Variants in MACROD2 observed in about 807,000 individuals in gnomAD.
MACROD2 encodes mono-ADP ribosylhydrolase 2.
In MACROD2, 36 loss-of-function variants were observed where a neutral mutation model predicts 70.4. The observed-to-expected ratio is 0.51, with a 90% CI of 0.39 to 0.68. The LOEUF is 0.68. Among genes scored for constraint, MACROD2 ranks in the 30% least tolerant of loss-of-function variants. MACROD2 has a pLI of 0.00. For synonymous variants in MACROD2, 172 were observed against 178.8 expected, an observed-to-expected ratio of 0.96 and a Z score of 0.30; for missense variants, 496 against 538.4, an observed-to-expected ratio of 0.92 and a Z score of 0.78.
intron 5 of MACROD2, among the ~76,000 whole-genome samples, chr20:14,852,302 A>T (rs1247737556): frequency 1.3e-5 from 2 of 152,158 alleles, no homozygotes; most frequent in Non-Finnish European, 2.9e-5. Flanking sequence ...AAAGATACAC[A>T]GAGCTAAAAG....
At chr20:14,105,431 T>C (rs192489185) in intron 3 of MACROD2, among the ~76,000 whole-genome samples, 30 of 152,330 alleles carry the variant, frequency 2.0e-4, no homozygotes, top group Middle Eastern at 3.4e-3. Context: ...AGCCAGTACC[T>C]GTGCATGGAA....
At chr20:14,856,108 T>C (rs1600728727) in intron 5 of MACROD2, among the ~76,000 whole-genome samples, 1 of 152,166 alleles carries the variant, frequency 6.6e-6, no homozygotes, top group South Asian at 2.1e-4. Context: ...TGCTTGAGCC[T>C]CTCTCTTTTT....
intron 5 of MACROD2, among the ~76,000 whole-genome samples, chr20:14,809,318 C>G (rs1319757319): frequency 2.0e-5 from 3 of 152,112 alleles, no homozygotes; most frequent in African/African-American, 7.2e-5. Context: ...ACTGAACAAT[C>G]TGCTTCTGAA....
At chr20:15,264,832 A>G (rs2077278859) in intron 6 of MACROD2, among the ~76,000 whole-genome samples, 1 of 151,970 alleles carries the variant, frequency 6.6e-6, no homozygotes, top group African/African-American at 2.4e-5. Flanking sequence ...CCCCCTGACC[A>G]CCCCAAACTT....
chr20:15,389,675 T>C (rs965701522), intron 6 of MACROD2, among the ~76,000 whole-genome samples: 3 of 152,246 alleles, frequency 2.0e-5, no homozygotes, highest in African/African-American at 4.8e-5. Flanking sequence ...CAATGAATTA[T>C]ATTAAAAGAC....
chr20:15,861,916 T>C (rs574187448), intron 8 of MACROD2, among the ~76,000 whole-genome samples: 43 of 152,234 alleles, frequency 2.8e-4, no homozygotes, highest in Non-Finnish European at 5.6e-4. Context: ...AATTTTTTTA[T>C]GTTGTTAAAA....
intron 10 of MACROD2, among the ~76,000 whole-genome samples, chr20:15,930,777 T>C (rs1307433363): frequency 1.3e-5 from 2 of 152,176 alleles, no homozygotes; most frequent in African/African-American, 4.8e-5. Flanking sequence ...CCAGAAGCAG[T>C]AGACTAGGTA....
At chr20:15,241,653 TGAA>T (rs1261175369) in intron 6 of MACROD2, among the ~76,000 whole-genome samples, 2 of 150,826 alleles carry the variant, frequency 1.3e-5, no homozygotes, top group Admixed American at 1.3e-4. Flanking sequence ...GCAGAACAAG[TGAA>T]ACATACCACT....
intron 6 of MACROD2, among the ~76,000 whole-genome samples, chr20:15,250,934 G>C (rs555517340): frequency 6.6e-6 from 1 of 152,176 alleles, no homozygotes; most frequent in Non-Finnish European, 1.5e-5. Flanking sequence ...AATGTAGAAT[G>C]AATAAATGAA....
At chr20:15,826,432 T>C (rs1380923909) in intron 8 of MACROD2, among the ~76,000 whole-genome samples, 1 of 152,206 alleles carries the variant, frequency 6.6e-6, no homozygotes, top group Non-Finnish European at 1.5e-5. Flanking sequence ...AGTTCTTTAA[T>C]GCAGACATTT....
chr20:14,811,213 C>T (rs1020678514), intron 5 of MACROD2, among the ~76,000 whole-genome samples: 6 of 152,106 alleles, frequency 3.9e-5, no homozygotes, highest in Non-Finnish European at 7.4e-5. Context: ...GTAACCAAAA[C>T]AGCATGGTAC....
At chr20:14,715,313 G>T (rs987456892) in intron 5 of MACROD2, among the ~76,000 whole-genome samples, 9 of 152,164 alleles carry the variant, frequency 5.9e-5, no homozygotes, top group Non-Finnish European at 1.2e-4. Flanking sequence ...CATAGGTGGG[G>T]ATTATGGGAA....
chr20:14,190,169 T>TCTTCATCTGA (rs2081373273), intron 3 of MACROD2, among the ~76,000 whole-genome samples: 1 of 152,206 alleles, frequency 6.6e-6, no homozygotes, highest in Admixed American at 6.5e-5. Context: ...TTTACTTCTT[T>TCTTCATCTGA]AGGCTCTAAT....
At position 15,008,254 on chromosome 20, in the gene MACROD2, G is replaced by C. The variant is rs547864378; in HGVS notation, c.419-221686G>C. Among the ~76,000 whole-genome samples the C allele has an allele frequency of 2.9e-4, 44 of 152,270 alleles. No individual in the cohort carries two copies. In the East Asian group the frequency reaches 7.9e-3, roughly 27 times the overall value. On this transcript the variant is annotated intron_variant, in intron 5 of 17. Transcript: ENST00000684519. ...CCAGCACTTTAGGAGGCCAAGGCAG[G>C]AGGATTGCTGGAACCCAGGAGTTTG...
At chr20:14,932,136 C>T (rs962554712) in intron 5 of MACROD2, among the ~76,000 whole-genome samples, 6 of 152,116 alleles carry the variant, frequency 3.9e-5, no homozygotes, top group African/African-American at 1.2e-4. Flanking sequence ...CCCCTGGTTC[C>T]GGGTGGGCAA....
intron 4 of MACROD2, among the ~76,000 whole-genome samples, chr20:14,609,337 T>A (rs1983014331): frequency 6.6e-6 from 1 of 152,016 alleles, no homozygotes; most frequent in Admixed American, 6.6e-5. Flanking sequence ...AAGAGATGAA[T>A]CCAGGATAGT....
At chr20:15,287,209 A>G (rs1192546883) in intron 6 of MACROD2, among the ~76,000 whole-genome samples, 2 of 152,218 alleles carry the variant, frequency 1.3e-5, no homozygotes, top group Non-Finnish European at 2.9e-5. Context: ...AAACTTTAAT[A>G]TGCTAAACTA....
intron 8 of MACROD2, among the ~76,000 whole-genome samples, chr20:15,844,955 C>T (rs2064214161): frequency 6.6e-6 from 1 of 151,820 alleles, no homozygotes. Context: ...ATGAAAATAA[C>T]ATTAAACTGT....
At chr20:14,320,663 A>AT (rs11087086) in intron 3 of MACROD2, among the ~76,000 whole-genome samples, 1,635 of 123,584 alleles carry the variant, frequency 0.013, 56 homozygotes, top group African/African-American at 0.044. Context: ...CACCTTTGGA[A>AT]TTTTTTTTTT....
Sources: gnomAD v4.1 joint callset for allele counts (sites outside exome capture counted in the v4.1 genomes callset) on GRCh38, gnomAD v4.1.1 for gene constraint, MANE v1.5 for transcripts, NCBI Gene and HGNC (gene_info 2026-07-23, HGNC 2026-07-21) for gene names.